The following CADM2 variants were observed in gnomAD, a reference collection of about 807,000 sequenced individuals.
CADM2 encodes the protein cell adhesion molecule 2.
Under a neutral mutation model 49.8 loss-of-function variants are expected in CADM2, and 12 were observed. That is an observed-to-expected ratio of 0.24 (90% CI 0.15 to 0.39). The LOEUF is 0.39. Among genes scored for constraint, CADM2 ranks in the 10% least tolerant of loss-of-function variants. The pLI, the probability that CADM2 is intolerant of heterozygous loss-of-function variation, is 1.00. For synonymous variants in CADM2, 214 were observed against 175.4 expected, an observed-to-expected ratio of 1.22 and a Z score of -1.74; for missense variants, 378 against 492.3, an observed-to-expected ratio of 0.77 and a Z score of 2.20.
intron 1 of CADM2, among the ~76,000 whole-genome samples, chr3:85,373,930 A>C (rs538899223): frequency 6.6e-6 from 1 of 152,202 alleles, no homozygotes; most frequent in African/African-American, 2.4e-5. Flanking sequence ...AGGCCTCCTA[A>C]GCCTCCTGAC....
At chr3:85,562,684 C>A (rs567429494) in intron 1 of CADM2, among the ~76,000 whole-genome samples, 2 of 152,052 alleles carry the variant, frequency 1.3e-5, no homozygotes, top group Middle Eastern at 3.4e-3. Flanking sequence ...TCACCTTTTT[C>A]TTTGGAGATG....
intron 1 of CADM2, among the ~76,000 whole-genome samples, chr3:85,011,767 G>A (rs906614950): frequency 2.6e-5 from 4 of 151,748 alleles, no homozygotes; most frequent in Non-Finnish European, 5.9e-5. Context: ...GAACATACCT[G>A]TGGTCTCAAC....
intron 1 of CADM2, among the ~76,000 whole-genome samples, chr3:85,056,282 A>C (rs182706731): frequency 6.6e-6 from 1 of 152,176 alleles, no homozygotes; most frequent in Admixed American, 6.5e-5. Context: ...TAGAAAGAAC[A>C]CAGGATGGAT....
chr3:86,024,946 T>TTG (rs981805266), intron 8 of CADM2, among the ~76,000 whole-genome samples: 1 of 151,944 alleles, frequency 6.6e-6, no homozygotes, highest in Admixed American at 6.6e-5. Flanking sequence ...TGGTGCAATC[T>TTG]TGGCTCATTG....
chr3:85,255,023 G>T (rs7625487), intron 1 of CADM2, among the ~76,000 whole-genome samples: 2 of 151,974 alleles, frequency 1.3e-5, no homozygotes, highest in African/African-American at 4.8e-5. Context: ...GGTAAACATA[G>T]GATGAAAATA....
At chr3:85,071,027 T>TAAATAAATAAAC (rs1553679041) in intron 1 of CADM2, among the ~76,000 whole-genome samples, 8 of 110,344 alleles carry the variant, frequency 7.3e-5, no homozygotes, top group Non-Finnish European at 1.5e-4. Flanking sequence ...AATAAACAAA[T>TAAATAAATAAAC]AAATAAATAA....
At chr3:85,677,737 G>A (rs185936182) in intron 1 of CADM2, among the ~76,000 whole-genome samples, 1 of 152,168 alleles carries the variant, frequency 6.6e-6, no homozygotes, top group African/African-American at 2.4e-5. Context: ...AAGAGTTGAT[G>A]CTTGCATAAC....
At chr3:85,909,270 T>C (rs533742241) in intron 5 of CADM2, among the ~76,000 whole-genome samples, 6 of 152,158 alleles carry the variant, frequency 3.9e-5, no homozygotes, top group Admixed American at 6.6e-5. Flanking sequence ...GGAGGAGTGG[T>C]TATGTGGATT....
At chr3:85,853,928 G>T (rs936938442) in intron 3 of CADM2, among the ~76,000 whole-genome samples, 1 of 152,054 alleles carries the variant, frequency 6.6e-6, no homozygotes, top group Non-Finnish European at 1.5e-5. Flanking sequence ...AGAGGTTTAG[G>T]TGTATAAATA....
At chr3:85,438,004 C>T in intron 1 of CADM2, among the ~76,000 whole-genome samples, 1 of 151,966 alleles carries the variant, frequency 6.6e-6, no homozygotes, top group East Asian at 1.9e-4. Context: ...AAATGTCCTA[C>T]AATTATTATA....
intron 1 of CADM2, among the ~76,000 whole-genome samples, chr3:85,719,398 G>A (rs1258234300): frequency 6.6e-6 from 1 of 152,104 alleles, no homozygotes; most frequent in Admixed American, 6.6e-5. Context: ...AAAATTCAAG[G>A]AAAACTCCTA....
chr3:85,059,940 A>T (rs747327022), intron 1 of CADM2, among the ~76,000 whole-genome samples: 3 of 152,024 alleles, frequency 2.0e-5, no homozygotes, highest in Non-Finnish European at 4.4e-5. Context: ...AAAATTATGA[A>T]CCTGTTAAGT....
chr3:85,444,633 A>C (rs2037363072), intron 1 of CADM2, among the ~76,000 whole-genome samples: 1 of 152,072 alleles, frequency 6.6e-6, no homozygotes, highest in South Asian at 2.1e-4. Flanking sequence ...CCATTCCCAC[A>C]GTTCCTATCC....
intron 2 of CADM2, among the ~76,000 whole-genome samples, chr3:85,792,329 C>A (rs2071383334): frequency 6.6e-6 from 1 of 152,158 alleles, no homozygotes; most frequent in South Asian, 2.1e-4. Context: ...TCTTATGAGA[C>A]TTTTATACTT....
chr3:85,336,737 A>G (rs183679854), intron 1 of CADM2, among the ~76,000 whole-genome samples: 5 of 150,342 alleles, frequency 3.3e-5, no homozygotes, highest in East Asian at 1.9e-4. Flanking sequence ...TCCTTCTGAG[A>G]GTTAAAAATA....
chr3:85,405,219 T>G (rs1007538556), intron 1 of CADM2, among the ~76,000 whole-genome samples: 1 of 152,212 alleles, frequency 6.6e-6, no homozygotes, highest in Non-Finnish European at 1.5e-5. Flanking sequence ...TCCTTAACTA[T>G]GATTTACTCA....
chr3:85,866,704 AAG>A (rs1003349615), intron 3 of CADM2, among the ~76,000 whole-genome samples: 14 of 152,152 alleles, frequency 9.2e-5, no homozygotes, highest in Admixed American at 3.3e-4. Flanking sequence ...TATTATAAAA[AAG>A]AATTCAATTT....
At chr3:85,267,578 C>A (rs768527736) in intron 1 of CADM2, among the ~76,000 whole-genome samples, 1 of 151,512 alleles carries the variant, frequency 6.6e-6, no homozygotes, top group Non-Finnish European at 1.5e-5. Flanking sequence ...TATTATCTTC[C>A]TTTCACAAAA....
chr3:85,350,924 C>T (rs1462815785), intron 1 of CADM2, among the ~76,000 whole-genome samples: 1 of 151,988 alleles, frequency 6.6e-6, no homozygotes, highest in Admixed American at 6.6e-5. Flanking sequence ...ATAATGTTAG[C>T]AGAATTTTGT....
Sources: gnomAD v4.1 joint callset for allele counts (sites outside exome capture counted in the v4.1 genomes callset) on GRCh38, gnomAD v4.1.1 for gene constraint, MANE v1.5 for transcripts, NCBI Gene and HGNC (gene_info 2026-07-23, HGNC 2026-07-21) for gene names.